The following GOLGA1 variants were observed in gnomAD, a reference collection of about 807,000 sequenced individuals.
The protein encoded by GOLGA1 is golgin A1, also known as golgin subfamily A member 1.
Under a neutral mutation model 119.7 loss-of-function variants are expected in GOLGA1, and 63 were observed. The observed-to-expected ratio is 0.53, with a 90% CI of 0.43 to 0.65. GOLGA1 has a LOEUF of 0.65. Ranked by LOEUF, GOLGA1 falls within the 30% of genes least tolerant of loss-of-function variation. The pLI is 0.00. For synonymous variants in GOLGA1, 318 were observed against 333.4 expected, an observed-to-expected ratio of 0.95 and a Z score of 0.50; for missense variants, 798 against 912.8, an observed-to-expected ratio of 0.87 and a Z score of 1.62.
At chr9:124,921,561 T>C (rs1309285158) in intron 9 of GOLGA1, among the ~76,000 whole-genome samples, 162 bp downstream of exon 9, 3 of 152,026 alleles carry the variant, frequency 2.0e-5, no homozygotes, top group Admixed American at 2.0e-4. Flanking sequence ...GGGTTGGAGG[T>C]AGGGTGAGGC....
In GOLGA1 at chr9:124,881,323, G is replaced by T; in HGVS notation, c.2137-66C>A. ...GGTGAGGCGGGGTGGGGTCGGGGGAGCTACGTGGCATTTCCTGCTTGCTTT... is the reference window on the plus strand; with the variant it reads ...GGTGAGGCGGGGTGGGGTCGGGGGATCTACGTGGCATTTCCTGCTTGCTTT... On this transcript the variant is annotated intron_variant, in intron 21 of 22. Transcript: ENST00000373555. The surrounding 1 kb of genome is among the most constrained non-coding windows in gnomAD (Gnocchi z 4.9). The T allele has an allele frequency of 1.1e-6, 1 of 883,270 alleles. No individual in the cohort carries two copies. The highest frequency in any genetic ancestry group is 1.9e-6 in the Non-Finnish European group (1 of 513,376). 54.7% of individuals were successfully genotyped at this position (883,270 alleles called of 1,614,324 possible).
At chr9:124,896,425 C>T (rs1829988337) in intron 15 of GOLGA1, among the ~76,000 whole-genome samples, 1 of 152,028 alleles carries the variant, frequency 6.6e-6, no homozygotes, top group Non-Finnish European at 1.5e-5. Context: ...ATACAAAAAA[C>T]AAAAAGCAAA....
chr9:124,903,730 T>C (rs1261749043), intron 12 of GOLGA1, among the ~76,000 whole-genome samples: 6 of 149,318 alleles, frequency 4.0e-5, no homozygotes, highest in South Asian at 2.1e-4. Context: ...ATGTGGTCTA[T>C]ACATATAATG....
At chr9:124,941,985 C>T (rs151292813), upstream of GOLGA1, among the ~76,000 whole-genome samples, 3 of 152,270 alleles carry the variant, frequency 2.0e-5, no homozygotes, top group East Asian at 5.8e-4. Context: ...TGTTCCAAGT[C>T]ACAGTCCAGG....
chr9:124,904,735 T>A, intron 12 of GOLGA1, among the ~76,000 whole-genome samples: 1 of 150,678 alleles, frequency 6.6e-6, no homozygotes. Context: ...AGGTCAGGAG[T>A]TCAAGACCAG....
chr9:124,905,754 A>C (rs1830213694), intron 12 of GOLGA1, among the ~76,000 whole-genome samples: 1 of 152,202 alleles, frequency 6.6e-6, no homozygotes, highest in African/African-American at 2.4e-5. Flanking sequence ...AAAGTTCAGC[A>C]GGGGTGTGAT....
chr9:124,934,083 T>C (rs1830821144), intron 3 of GOLGA1, among the ~76,000 whole-genome samples: 1 of 152,050 alleles, frequency 6.6e-6, no homozygotes, highest in South Asian at 2.1e-4. Context: ...CATACTTTAA[T>C]AAAGGTAGAT....
Position 124,889,341 on chromosome 9 carries a change from AG to A in GOLGA1, c.1601-39del, listed in dbSNP as rs779301646. The A allele has an allele frequency of 5.6e-6, 9 of 1,608,694 alleles. No homozygotes were observed. In the Admixed American group the frequency reaches 1.0e-4, roughly 18 times the overall value. Reference sequence around the variant, plus strand: ...GGAGGGGAGGGGGCACTGTGAGCCCAGTGACTCCATGCTGCTTGGTGGCAAG... The same window carrying A: ...GGAGGGGAGGGGGCACTGTGAGCCCATGACTCCATGCTGCTTGGTGGCAAG... On this transcript the variant is annotated intron_variant, in intron 17 of 22. Transcript: ENST00000373555.
intron 15 of GOLGA1, among the ~76,000 whole-genome samples, chr9:124,891,160 C>T (rs1403773584): frequency 6.6e-6 from 1 of 152,172 alleles, no homozygotes; most frequent in Non-Finnish European, 1.5e-5. Flanking sequence ...AGAACTGAGT[C>T]TCTGTGGCTC....
chr9:124,910,658 C>T (rs1324832228), intron 11 of GOLGA1, among the ~76,000 whole-genome samples: 1 of 152,168 alleles, frequency 6.6e-6, no homozygotes, highest in African/African-American at 2.4e-5. Flanking sequence ...GGCCACAGAC[C>T]TTGCAGTCTG....
rs187887875 is a variant in GOLGA1, at chr9:124,919,262, A to G, written c.843+1867T>C. Among the ~76,000 whole-genome samples the G allele has an allele frequency of 6.6e-5, 10 of 152,312 alleles. No homozygotes were observed. The East Asian group carries it at 1.7e-3, about 26-fold the overall frequency. ...AGAGCAAGACCGTGTCTCAAAAAAAAGAAAAAAAAGAAAAGAAAAAAGAAA... is the reference window on the plus strand; with the variant it reads ...AGAGCAAGACCGTGTCTCAAAAAAAGGAAAAAAAAGAAAAGAAAAAAGAAA... On this transcript the variant is annotated intron_variant, in intron 10 of 22. Coordinates refer to ENST00000373555, the MANE Select transcript of GOLGA1 (RefSeq NM_002077.4).
intron 3 of GOLGA1, among the ~76,000 whole-genome samples, chr9:124,934,963 C>T (rs1830836183): frequency 6.6e-6 from 1 of 152,084 alleles, no homozygotes; most frequent in Non-Finnish European, 1.5e-5. Context: ...GGGAGAATCG[C>T]TTGAGCCCAG....
At chr9:124,897,191 G>A (rs559330339) in intron 15 of GOLGA1, among the ~76,000 whole-genome samples, 1 of 152,090 alleles carries the variant, frequency 6.6e-6, no homozygotes, top group Non-Finnish European at 1.5e-5. Flanking sequence ...ATGGAAAAGA[G>A]ACCTCTCCTC....
At chr9:124,898,913 C>A (rs565978177) in intron 14 of GOLGA1, among the ~76,000 whole-genome samples, 1 of 152,086 alleles carries the variant, frequency 6.6e-6, no homozygotes, top group South Asian at 2.1e-4. Flanking sequence ...GAACTGCTCT[C>A]GGCTGGGTGC....
chr9:124,938,095 A>AAG (rs1044829309), intron 3 of GOLGA1, among the ~76,000 whole-genome samples: 1 of 151,844 alleles, frequency 6.6e-6, no homozygotes, highest in African/African-American at 2.4e-5. Flanking sequence ...AAAAAAAAAA[A>AAG]AAAGAAAGAA....
intron 12 of GOLGA1, among the ~76,000 whole-genome samples, chr9:124,907,268 T>C (rs1428332077): frequency 6.6e-6 from 1 of 152,174 alleles, no homozygotes; most frequent in Non-Finnish European, 1.5e-5. Flanking sequence ...GTTTAGTAAA[T>C]GATTTTGAGA....
upstream of GOLGA1, chr9:124,944,999 A>C (rs1261814171): frequency 6.6e-6 from 1 of 152,192 alleles, no homozygotes; most frequent in Non-Finnish European, 1.5e-5. Flanking sequence ...CCATAAGCCT[A>C]GGAGAAAAGT....
At chr9:124,921,330 G>T in intron 9 of GOLGA1, 90 bp from the exon 10 acceptor site, 1 of 804,996 alleles carries the variant, frequency 1.2e-6, no homozygotes, top group Non-Finnish European at 2.2e-6. Flanking sequence ...GGTTTCTTCT[G>T]TGTCAGGGCT....
intron 6 of GOLGA1, 126 bp downstream of exon 6, chr9:124,928,062 C>T (rs967531419): frequency 1.7e-5 from 9 of 515,284 alleles, no homozygotes; most frequent in African/African-American, 6.0e-5. Flanking sequence ...AAAACCTTAA[C>T]GAACTTTTAA....
Sources: gnomAD v4.1 joint callset for allele counts (sites outside exome capture counted in the v4.1 genomes callset) on GRCh38, gnomAD v4.1.1 for gene constraint, Gnocchi (gnomAD v3.1) non-coding constraint, MANE v1.5 for transcripts, NCBI Gene and HGNC (gene_info 2026-07-23, HGNC 2026-07-21) for gene names.